The following NDN variants were observed in gnomAD, a reference collection of about 807,000 sequenced individuals.
NDN encodes the protein necdin, MAGE family member, also known as necdin.
For synonymous variants in NDN, 245 were observed against 189.4 expected (o/e 1.29, Z -2.41); for missense variants, 465 against 440.4 (o/e 1.06, Z -0.50).
chr15:23,685,841 G>A lies in NDN; in HGVS notation c.*411C>T, dbSNP rs1184362361. On this transcript the variant is annotated 3_prime_UTR_variant, in exon 1 of 1. Coordinates refer to ENST00000649030, the MANE Select transcript of NDN (RefSeq NM_002487.3). ...TCTGTGCCCAGCAAGGTCATGAAGGGCCTTGACTTTTCTTGGTTAGGCCGG... is the reference window on the plus strand; with the variant it reads ...TCTGTGCCCAGCAAGGTCATGAAGGACCTTGACTTTTCTTGGTTAGGCCGG... 6.5e-6 allele frequency: 1 copy of A among 154,292 alleles called. No individual in the cohort carries two copies. Among genetic ancestry groups the A allele is most frequent in the East Asian group, 1.9e-4 (1 of 5,220 alleles). 9.6% of individuals were successfully genotyped at this position (154,292 alleles called of 1,614,324 possible).
Position 23,685,563 on chromosome 15 carries a change from A to AT in NDN, c.*688dup, listed in dbSNP as rs1360975348. 1.3e-5 allele frequency: 2 copies of AT among 152,172 alleles called. No homozygotes were observed. Among genetic ancestry groups the AT allele is most frequent in the African/African-American group, 4.8e-5 (2 of 41,450 alleles). 9.4% of individuals were successfully genotyped at this position (152,172 alleles called of 1,614,324 possible). ...AATTTAGGAGTAATCATGAGTAGCGATTTTTCCCACCCTATTAGGGGAAAT... is the reference window on the plus strand; with the variant it reads ...AATTTAGGAGTAATCATGAGTAGCGATTTTTTCCCACCCTATTAGGGGAAAT... On this transcript the variant is annotated 3_prime_UTR_variant, in exon 1 of 1. Transcript: ENST00000649030.
In NDN at chr15:23,686,828, G is replaced by A. The variant is rs778519441; in HGVS notation, c.390C>T (p.Gly130=). ...WFPDMVKDVI[G]SYKKWCRSIL... is the part of the protein sequence containing the mutation. ...TGCTCCTGCACCACTTCTTGTAGCTGCCGATGACATCTTTCACCATGTCTG... is the reference window on the plus strand; with the variant it reads ...TGCTCCTGCACCACTTCTTGTAGCTACCGATGACATCTTTCACCATGTCTG... Residue 130 remains glycine, a synonymous_variant, in exon 1 of 1, where the codon GGC becomes GGT. Coordinates refer to ENST00000649030, the MANE Select transcript of NDN (RefSeq NM_002487.3). 6.2e-6 allele frequency: 10 copies of A among 1,614,138 alleles called. No homozygotes were observed. The highest frequency in any genetic ancestry group is 1.7e-5 in the Admixed American group (1 of 60,034).
At position 23,687,265 on chromosome 15, in the gene NDN, C is replaced by G. The variant is rs777388697; in HGVS notation, c.-48G>C. Reference sequence around the variant, plus strand: ...AGGGCCTCTGCGTCCAGGAGCTCTTCGAGCCTGCGCTCCCTCCGCGGATTC... The same window carrying G: ...AGGGCCTCTGCGTCCAGGAGCTCTTGGAGCCTGCGCTCCCTCCGCGGATTC... On this transcript the variant is annotated 5_prime_UTR_variant, in exon 1 of 1. Transcript: ENST00000649030. 4.4e-6 allele frequency: 6 copies of G among 1,356,276 alleles called. No homozygotes were observed. In the African/African-American group the frequency reaches 6.0e-5, roughly 14 times the overall value. 84.0% of individuals were successfully genotyped at this position (1,356,276 alleles called of 1,614,324 possible). A position where few individuals can be genotyped will look rare whatever the true frequency, so the allele number is the denominator to read the frequency against.
Position 23,686,797 on chromosome 15 carries a change from G to C in NDN, c.421C>G (p.Arg141Gly). Reference sequence around the variant, plus strand: ...CGGGCGAGGATGAGGCTGGTGCGCCGGAGGATGCTCCTGCACCACTTCTTG... The same window carrying C: ...CGGGCGAGGATGAGGCTGGTGCGCCCGAGGATGCTCCTGCACCACTTCTTG... Reference protein sequence around the residue: ...SYKKWCRSILRRTSLILARVF... With the variant: ...SYKKWCRSILGRTSLILARVF... The change falls in exon 1 of 1, where the codon CGG becomes GGG. Residue 141 changes from arginine to glycine, a missense_variant. Physicochemically the swap from Arg to Gly is moderately radical, Grantham distance 125. Transcript: ENST00000649030. 6.2e-7 allele frequency: 1 copy of C among 1,613,962 alleles called. No individual in the cohort carries two copies. Among genetic ancestry groups the C allele is most frequent in the Non-Finnish European group, 8.5e-7 (1 of 1,180,022 alleles).
At position 23,687,255 on chromosome 15, in the gene NDN, A is replaced by T. The variant is rs754751029; in HGVS notation, c.-38T>A. 1.1e-5 allele frequency: 15 copies of T among 1,376,816 alleles called. No homozygotes were observed. Among genetic ancestry groups the T allele is most frequent in the Non-Finnish European group, 1.4e-5 (15 of 1,058,972 alleles). The allele number at this position is 1,376,816 out of a possible 1,614,324, so 85.3% of individuals were successfully genotyped here. A position where few individuals can be genotyped will look rare whatever the true frequency, so the allele number is the denominator to read the frequency against. The stretch of plus-strand genomic sequence containing the variant: ...TGGCAAGGGCAGGGCCTCTGCGTCC[A>T]GGAGCTCTTCGAGCCTGCGCTCCCT... On this transcript the variant is annotated 5_prime_UTR_variant, in exon 1 of 1. Transcript: ENST00000649030.
At position 23,686,343 on chromosome 15, in the gene NDN, G is replaced by C; in HGVS notation, c.875C>G (p.Ser292Cys). ...CTCCTCCAGAGCTTCTCTGTATCGGGAGGGCCAGGCCTGGGGGTCTTTCTT... is the reference window on the plus strand; with the variant it reads ...CTCCTCCAGAGCTTCTCTGTATCGGCAGGGCCAGGCCTGGGGGTCTTTCTT... The part of the protein sequence containing the change: ...VFKKDPQAWP[S>C]RYREALEEAR... The change falls in exon 1 of 1, where the codon TCC becomes TGC. Residue 292 changes from serine (S) to cysteine (C), a missense_variant. Coordinates refer to ENST00000649030, the MANE Select transcript of NDN (RefSeq NM_002487.3). 2.5e-6 allele frequency: 4 copies of C among 1,577,196 alleles called. No homozygotes were observed. The highest frequency in any genetic ancestry group is 1.2e-5 in the South Asian group (1 of 85,464).
Position 23,686,095 on chromosome 15 carries a change from A to G in NDN, c.*157T>C, listed in dbSNP as rs1043664966. 43 of 834,210 alleles carry G rather than the reference A, an allele frequency of 5.2e-5. No homozygotes were observed. The African/African-American group carries it at 7.2e-4, about 14-fold the overall frequency. The allele number at this position is 834,210 out of a possible 1,614,324, so 51.7% of individuals were successfully genotyped here. Reference sequence around the variant, plus strand: ...ATACTACACAATAGTACCCAAATGAATACAACATTGCATTAAAGGTATAAA... The same window carrying G: ...ATACTACACAATAGTACCCAAATGAGTACAACATTGCATTAAAGGTATAAA... On this transcript the variant is annotated 3_prime_UTR_variant, in exon 1 of 1. Transcript: ENST00000649030.
Position 23,687,026 on chromosome 15 carries a change from C to G in NDN, c.192G>C (p.Glu64Asp). The G allele has an allele frequency of 6.7e-7, 1 of 1,484,822 alleles. No homozygotes were observed. Among genetic ancestry groups the G allele is most frequent in the Non-Finnish European group, 8.9e-7 (1 of 1,121,132 alleles). 92.0% of individuals were successfully genotyped at this position (1,484,822 alleles called of 1,614,324 possible). A position where few individuals can be genotyped will look rare whatever the true frequency, so the allele number is the denominator to read the frequency against. The change falls in exon 1 of 1, where the codon GAG becomes GAC. Residue 64 changes from glutamate to aspartate, a missense_variant. Transcript: ENST00000649030. ...AAPPPQAPND[E>D]GDPKALQQAA... ...CCTGCTGCAGGGCCTTCGGGTCGCC[C>G]TCGTCGTTCGGGGCCTGGGGAGGCG...
In NDN at chr15:23,685,750, A is replaced by G. The variant is rs1891134348; in HGVS notation, c.*502T>C. 1 of 152,242 alleles carries G rather than the reference A, an allele frequency of 6.6e-6. No homozygotes were observed. The highest frequency in any genetic ancestry group is 1.5e-5 in the Non-Finnish European group (1 of 68,058). The allele number at this position is 152,242 out of a possible 1,614,324, so 9.4% of individuals were successfully genotyped here. ...CGGTGGGGTTGTATATGTGTTTAGT[A>G]AAGTGTGCCAAGTGCTCACACTGAG... On this transcript the variant is annotated 3_prime_UTR_variant, in exon 1 of 1. Coordinates refer to ENST00000649030, the MANE Select transcript of NDN (RefSeq NM_002487.3).
In NDN at chr15:23,687,294, G is replaced by C. The variant is rs1013125967; in HGVS notation, c.-77C>G. 10 of 1,321,682 alleles carry C rather than the reference G, an allele frequency of 7.6e-6. No homozygotes were observed. In the African/African-American group the frequency reaches 1.4e-4, roughly 18 times the overall value. The allele number at this position is 1,321,682 out of a possible 1,614,324, so 81.9% of individuals were successfully genotyped here. ...CCTGCGCTCCCTCCGCGGATTCCTG[G>C]AGAGGAAGTGCGCGTTGCTGCGCGC... On this transcript the variant is annotated 5_prime_UTR_variant, in exon 1 of 1. Coordinates refer to ENST00000649030, the MANE Select transcript of NDN (RefSeq NM_002487.3).
Position 23,686,590 on chromosome 15 carries a change from C to G in NDN, c.628G>C (p.Val210Leu). The G allele has an allele frequency of 2.5e-6, 4 of 1,613,252 alleles. No homozygotes were observed. Among genetic ancestry groups the G allele is most frequent in the Non-Finnish European group, 3.4e-6 (4 of 1,179,950 alleles). ...CCCAGGATGCGCAGCACGTTCCAGA[C>G]GGCGCTCTCTCTGGCGCCGCGGCCC... ...VKGRGARESAVWNVLRILGLR... is the reference protein window; with the variant it reads ...VKGRGARESALWNVLRILGLR... The change falls in exon 1 of 1, where the codon GTC (valine) becomes CTC (leucine). Residue 210 changes from valine (V) to leucine (L), a missense_variant. Val to Leu is a conservative substitution (Grantham distance 32). Coordinates refer to ENST00000649030, the MANE Select transcript of NDN (RefSeq NM_002487.3).
rs753402987 is a variant in NDN at position 23,686,810 on chromosome 15, G to A, written c.408C>T (p.Cys136=). ...KDVIGSYKKW[C]RSILRRTSLI... is the part of the protein sequence containing the mutation. ...GGCTGGTGCGCCGGAGGATGCTCCT[G>A]CACCACTTCTTGTAGCTGCCGATGA... Residue 136 remains cysteine, a synonymous_variant, in exon 1 of 1, where the codon TGC becomes TGT. Transcript: ENST00000649030. The A allele has an allele frequency of 2.5e-6, 4 of 1,613,886 alleles. No homozygotes were observed. The highest frequency in any genetic ancestry group is 3.4e-6 in the Non-Finnish European group (4 of 1,180,038).
In NDN at chr15:23,686,132, G is replaced by C; in HGVS notation, c.*120C>G. On this transcript the variant is annotated 3_prime_UTR_variant, in exon 1 of 1. Coordinates refer to ENST00000649030, the MANE Select transcript of NDN (RefSeq NM_002487.3). The stretch of plus-strand genomic sequence containing the variant: ...ATTAAAGGTATAAAAGCACTGTACT[G>C]AAAACTTAAAAGTTACACGTGAATA... 1 of 1,275,120 alleles carries C rather than the reference G, an allele frequency of 7.8e-7. No individual in the cohort carries two copies. The highest frequency in any genetic ancestry group is 1.0e-6 in the Non-Finnish European group (1 of 955,230). 79.0% of individuals were successfully genotyped at this position (1,275,120 alleles called of 1,614,324 possible). A position where few individuals can be genotyped will look rare whatever the true frequency, so the allele number is the denominator to read the frequency against.
In NDN at chr15:23,686,441, C is replaced by G; in HGVS notation, c.777G>C (p.Glu259Asp). The change falls in exon 1 of 1, where the codon GAG becomes GAC. Residue 259 changes from glutamate to aspartate, a missense_variant. Physicochemically the swap from Glu to Asp is conservative, Grantham distance 45 (BLOSUM62 2). Transcript: ENST00000649030. ...RVPYVEPPEY[E>D]FFWGSRASRE... is the part of the protein sequence containing the mutation. ...GGCTGGCCCGGGAGCCCCAAAAGAA[C>G]TCGTATTCGGGCGGCTCCACGTATG... 1 of 1,609,640 alleles carries G rather than the reference C, an allele frequency of 6.2e-7. No homozygotes were observed. Among genetic ancestry groups the G allele is most frequent in the Non-Finnish European group, 8.5e-7 (1 of 1,177,236 alleles).
rs1891162646 is a variant in NDN, at chr15:23,687,057, G to C, written c.161C>G (p.Ala54Gly). The change falls in exon 1 of 1, where the codon GCC becomes GGC. Residue 54 changes from alanine to glycine, a missense_variant. Physicochemically the swap from Ala to Gly is moderately conservative, Grantham distance 60. Coordinates refer to ENST00000649030, the MANE Select transcript of NDN (RefSeq NM_002487.3). ...PPLGPTAAPQ[A>G]APPPQAPNDE... The stretch of plus-strand genomic sequence containing the variant: ...GTTCGGGGCCTGGGGAGGCGGCGCG[G>C]CCTGCGGAGCGGCCGTCGGGCCTAG... 1 of 1,538,176 alleles carries C rather than the reference G, an allele frequency of 6.5e-7. No homozygotes were observed. The highest frequency in any genetic ancestry group is 8.7e-7 in the Non-Finnish European group (1 of 1,145,506).
chr15:23,686,876 C>T lies in NDN; in HGVS notation c.342G>A (p.Gln114=). 1 of 1,614,116 alleles carries T rather than the reference C, an allele frequency of 6.2e-7. No individual in the cohort carries two copies. The highest frequency in any genetic ancestry group is 8.5e-7 in the Non-Finnish European group (1 of 1,180,004). The part of the protein sequence containing the change: ...ELMWYVLVKD[Q]KKMIIWFPDM... ...CTGGAAACCAGATGATCATCTTCTT[C>T]TGGTCCTTGACCAGCACGTACCACA... The change falls in exon 1 of 1, where the codon CAG becomes CAA. Residue 114 remains glutamine (Q), a synonymous_variant. Transcript: ENST00000649030.
In NDN at chr15:23,686,933, C is replaced by A. The variant is rs1320274738; in HGVS notation, c.285G>T (p.Pro95=). 3 of 1,610,332 alleles carry A rather than the reference C, an allele frequency of 1.9e-6. No homozygotes were observed. Among genetic ancestry groups the A allele is most frequent in the South Asian group, 2.2e-5 (2 of 90,970 alleles). The stretch of plus-strand genomic sequence containing the variant: ...CGTGCGCCTTCTGCACCAGCTGCGC[C>A]GGGGCTGGCGGTGCCGGGCCCGGCT... The part of the protein sequence containing the change: ...AAQPGPAPPA[P]AQLVQKAHEL... Residue 95 remains proline (P), a synonymous_variant, in exon 1 of 1, where the codon CCG becomes CCT. Transcript: ENST00000649030.
At position 23,686,763 on chromosome 15, in the gene NDN, C is replaced by A. The variant is rs1167282078; in HGVS notation, c.455G>T (p.Gly152Val). The A allele has an allele frequency of 6.2e-7, 1 of 1,613,942 alleles. No homozygotes were observed. Among genetic ancestry groups the A allele is most frequent in the Non-Finnish European group, 8.5e-7 (1 of 1,180,026 alleles). Residue 152 changes from glycine (G) to valine (V), a missense_variant, in exon 1 of 1, where the codon GGG becomes GTG. By Grantham distance (109) the Gly-to-Val change is moderately radical (BLOSUM62 -3). Coordinates refer to ENST00000649030, the MANE Select transcript of NDN (RefSeq NM_002487.3). ...CAGGCTGGTTAGCCTCAGGTGCAGC[C>A]CGAACACCCGGGCGAGGATGAGGCT... ...RTSLILARVFGLHLRLTSLHT... is the reference protein window; with the variant it reads ...RTSLILARVFVLHLRLTSLHT...
Position 23,686,700 on chromosome 15 carries a change from G to A in NDN, c.518C>T (p.Pro173Leu), listed in dbSNP as rs1891150609. Residue 173 changes from proline to leucine, a missense_variant, in exon 1 of 1, where the codon CCC becomes CTC. By Grantham distance (98) the Pro-to-Leu change is moderately conservative (BLOSUM62 -3). Coordinates refer to ENST00000649030, the MANE Select transcript of NDN (RefSeq NM_002487.3). Reference protein sequence around the residue: ...MEFALVKALEPEELDRVALSN... With the variant: ...MEFALVKALELEELDRVALSN... ...CAGCGCCACCCTGTCCAGCTCCTCGGGCTCCAGCGCTTTGACCAGCGCAAA... is the reference window on the plus strand; with the variant it reads ...CAGCGCCACCCTGTCCAGCTCCTCGAGCTCCAGCGCTTTGACCAGCGCAAA... 6.2e-7 allele frequency: 1 copy of A among 1,613,812 alleles called. No individual in the cohort carries two copies. Among genetic ancestry groups the A allele is most frequent in the Non-Finnish European group, 8.5e-7 (1 of 1,179,962 alleles).
Sources: allele counts gnomAD v4.1 joint callset, GRCh38; gene constraint gnomAD v4.1.1; transcripts MANE v1.5; gene names NCBI Gene and HGNC (gene_info 2026-07-23, HGNC 2026-07-21).